The following RIMBP2 variants were observed in gnomAD, a reference collection of about 807,000 sequenced individuals.
RIMBP2 encodes the protein RIMS binding protein 2.
In RIMBP2, 48 loss-of-function variants were observed where a neutral mutation model predicts 118.6. The ratio of observed to expected loss-of-function variants is 0.40; its 90% confidence interval spans 0.32 to 0.51. The LOEUF is 0.51. Among genes scored for constraint, RIMBP2 ranks in the 20% least tolerant of loss-of-function variants. The pLI is 0.41. For missense variants in RIMBP2, 1,551 were observed against 1,768.3 expected, an observed-to-expected ratio of 0.88 and a Z score of 2.20; for synonymous variants, 762 against 742.9, an observed-to-expected ratio of 1.03 and a Z score of -0.42.
At chr12:130,634,158 T>C (rs1399549109) in intron 1 of RIMBP2, among the ~76,000 whole-genome samples, 2 of 152,162 alleles carry the variant, frequency 1.3e-5, no homozygotes, top group Non-Finnish European at 2.9e-5. Flanking sequence ...TCAGTCGCTC[T>C]CTTCCCCCCG....
At chr12:130,448,567 T>C (rs545646817) in intron 9 of RIMBP2, among the ~76,000 whole-genome samples, 120 of 152,364 alleles carry the variant, frequency 7.9e-4, no homozygotes, top group African/African-American at 2.7e-3. Flanking sequence ...TGGCTGCGCC[T>C]GGGCCTGCTC....
At chr12:130,615,499 C>T (rs997765702) in intron 2 of RIMBP2, among the ~76,000 whole-genome samples, 23 of 151,698 alleles carry the variant, frequency 1.5e-4, no homozygotes, top group African/African-American at 4.4e-4. Flanking sequence ...TCAGTAGAGA[C>T]GGGTTTTCAC....
At chr12:130,404,520 G>A (rs1032030631) in intron 21 of RIMBP2, among the ~76,000 whole-genome samples, 5 of 152,096 alleles carry the variant, frequency 3.3e-5, no homozygotes, top group African/African-American at 9.7e-5. Context: ...GGCTGATATC[G>A]AATGCCTGAC....
chr12:130,674,977 G>A (rs559491565), intron 1 of RIMBP2, among the ~76,000 whole-genome samples: 13 of 152,334 alleles, frequency 8.5e-5, no homozygotes, highest in Non-Finnish European at 1.3e-4. Flanking sequence ...CCATCGTGTG[G>A]ATGGAACACA....
rs1462955919 is a variant in RIMBP2 at position 130,703,855 on chromosome 12, G to A, written c.-352+12367C>T. 1.3e-5 allele frequency among the ~76,000 whole-genome samples: 2 copies of A among 152,052 alleles called. No homozygotes were observed. The highest frequency in any genetic ancestry group is 2.9e-5 in the Non-Finnish European group (2 of 68,012). On this transcript the variant is annotated intron_variant, in intron 1 of 22. Transcript: ENST00000690449. This position sits in a 1 kb window ranked among gnomAD's most constrained non-coding sequence, Gnocchi z 5.7. The stretch of plus-strand genomic sequence containing the variant: ...AGAGATCGATCTAGAAGCACGGAGG[G>A]AACCCTGAGCCTGAGCCTGAACGCA...
chr12:130,567,485 C>T (rs867662881), intron 2 of RIMBP2, among the ~76,000 whole-genome samples: 1 of 152,206 alleles, frequency 6.6e-6, no homozygotes, highest in African/African-American at 2.4e-5. Context: ...TGGAACCCAC[C>T]CTTCTATCCC....
Position 130,397,339 on chromosome 12 carries a change from C to T in RIMBP2, c.*22G>A. ...ATTAAAGAAAATTACATAGATTTGG[C>T]AGTTGTCCGGAAGCACATGAATCAT... On this transcript the variant is annotated 3_prime_UTR_variant, in exon 23 of 23. Transcript: ENST00000690449. 1 of 398,890 alleles carries T rather than the reference C, an allele frequency of 2.5e-6. No homozygotes were observed. The highest frequency in any genetic ancestry group is 3.6e-5 in the East Asian group (1 of 28,072). 24.7% of individuals were successfully genotyped at this position (398,890 alleles called of 1,614,324 possible).
intron 1 of RIMBP2, among the ~76,000 whole-genome samples, chr12:130,691,403 C>T (rs957068210): frequency 6.6e-6 from 1 of 152,180 alleles, no homozygotes; most frequent in African/African-American, 2.4e-5. Context: ...CGTGTGGTGG[C>T]TCACACCTGT....
intron 4 of RIMBP2, among the ~76,000 whole-genome samples, chr12:130,496,286 CCTTCT>C (rs899556529): frequency 1.3e-5 from 2 of 152,076 alleles, no homozygotes; most frequent in Non-Finnish European, 2.9e-5. Context: ...ATTCTCATTC[CCTTCT>C]CTTCTCTTGC....
intron 1 of RIMBP2, among the ~76,000 whole-genome samples, chr12:130,632,846 A>T (rs2062087342): frequency 6.6e-6 from 1 of 152,266 alleles, no homozygotes; most frequent in South Asian, 2.1e-4. Context: ...TTTAATTAAC[A>T]GAGCCATTTA....
At chr12:130,498,029 C>G (rs2049353416) in intron 4 of RIMBP2, among the ~76,000 whole-genome samples, 1 of 152,254 alleles carries the variant, frequency 6.6e-6, no homozygotes, top group Non-Finnish European at 1.5e-5. Context: ...TGACTTTATA[C>G]AGTCACCTGT....
At chr12:130,665,191 A>T (rs1263869050) in intron 1 of RIMBP2, among the ~76,000 whole-genome samples, 1 of 151,648 alleles carries the variant, frequency 6.6e-6, no homozygotes, top group African/African-American at 2.4e-5. Context: ...GACATCCTGA[A>T]ATCACGTGTT....
Position 130,646,383 on chromosome 12 carries a change from C to T in RIMBP2, c.-351-17927G>A, listed in dbSNP as rs369263283. 1.3e-4 allele frequency among the ~76,000 whole-genome samples: 17 copies of T among 130,332 alleles called. 3 individuals are homozygous for T. Among genetic ancestry groups the T allele is most frequent in the Admixed American group, 3.9e-4 (5 of 12,972 alleles). The allele number at this position is 130,332 out of a possible 152,430, so 85.5% of individuals were successfully genotyped here. ...ACCACCTCCCTCACCACCTCCCTCA[C>T]CACCTCCCTCACCACCTGCCTCTCC... On this transcript the variant is annotated intron_variant, in intron 1 of 22. Transcript: ENST00000690449.
At chr12:130,416,903 G>A (rs1192322060) in intron 17 of RIMBP2, among the ~76,000 whole-genome samples, 6 of 151,670 alleles carry the variant, frequency 4.0e-5, no homozygotes, top group Non-Finnish European at 5.9e-5. Context: ...CAAAGGACAT[G>A]AATAGACTTC....
chr12:130,436,792 C>T (rs1212382986), intron 13 of RIMBP2, 50 bp downstream of exon 13: 4 of 1,336,866 alleles, frequency 3.0e-6, no homozygotes, highest in South Asian at 4.0e-5. Context: ...GGCCCCGTCC[C>T]GTGGGGTTTG....
At chr12:130,676,279 T>C (rs575723537) in intron 1 of RIMBP2, among the ~76,000 whole-genome samples, 6 of 137,162 alleles carry the variant, frequency 4.4e-5, no homozygotes, top group Non-Finnish European at 9.6e-5. Context: ...CTGCCCAAAA[T>C]TGGAAAAAAA....
At chr12:130,695,884 T>G (rs1000826281) in intron 1 of RIMBP2, among the ~76,000 whole-genome samples, 2 of 150,654 alleles carry the variant, frequency 1.3e-5, no homozygotes. Flanking sequence ...TGAAGAGGAG[T>G]CATGGTTGAT....
chr12:130,402,308 G>A (rs931504276), intron 21 of RIMBP2, among the ~76,000 whole-genome samples: 5 of 152,084 alleles, frequency 3.3e-5, no homozygotes, highest in South Asian at 2.1e-4. Flanking sequence ...TTATCCTTGC[G>A]TTCTCAAGGG....
chr12:130,399,897 A>C, intron 21 of RIMBP2, 84 bp from the exon 22 acceptor site: 1 of 1,452,078 alleles, frequency 6.9e-7, no homozygotes, highest in Non-Finnish European at 9.5e-7. Flanking sequence ...TACAGCTCAG[A>C]GTACAGGTAC....
Sources: gnomAD v4.1 joint callset for allele counts (sites outside exome capture counted in the v4.1 genomes callset) on GRCh38, gnomAD v4.1.1 for gene constraint, Gnocchi (gnomAD v3.1) non-coding constraint, MANE v1.5 for transcripts, NCBI Gene and HGNC (gene_info 2026-07-23, HGNC 2026-07-21) for gene names.